The following BACH2 variants were observed in gnomAD, a reference collection of about 807,000 sequenced individuals.
BACH2 encodes the protein transcription regulator protein BACH2.
BACH2 carries 5 observed loss-of-function variants against 61.8 expected under a neutral mutation model. The ratio of observed to expected loss-of-function variants is 0.08; its 90% CI spans 0.04 to 0.17. The LOEUF (loss-of-function observed/expected upper bound fraction) is 0.17. BACH2 is among the 10% of genes least tolerant of loss of function. BACH2 has a pLI of 1.00. For synonymous variants in BACH2, 446 were observed against 440.1 expected (o/e 1.01, Z -0.17); for missense variants, 824 against 1,091.1 (o/e 0.76, Z 3.45).
chr6:90,034,100 G>A (rs1212001606), intron 5 of BACH2, among the ~76,000 whole-genome samples: 1 of 152,130 alleles, frequency 6.6e-6, no homozygotes, highest in Non-Finnish European at 1.5e-5. Context: ...GGAAATGGCT[G>A]TTATTCTCTT....
intron 6 of BACH2, among the ~76,000 whole-genome samples, chr6:89,957,798 C>T (rs749036542): frequency 7.2e-5 from 11 of 152,152 alleles, no homozygotes; most frequent in South Asian, 4.2e-4. Context: ...TTTTGACCTC[C>T]CAAAGTATTG....
intron 6 of BACH2, among the ~76,000 whole-genome samples, chr6:89,986,016 G>A (rs562528818): frequency 2.6e-4 from 39 of 152,158 alleles, no homozygotes; most frequent in Non-Finnish European, 4.7e-4. Context: ...TGTTATAGCC[G>A]GACTTGTAAG....
chr6:90,024,748 G>A (rs1472962277), intron 5 of BACH2, among the ~76,000 whole-genome samples: 1 of 152,172 alleles, frequency 6.6e-6, no homozygotes, highest in African/African-American at 2.4e-5. Flanking sequence ...AGATGAAGAA[G>A]AGGGGAAGAC....
intron 4 of BACH2, among the ~76,000 whole-genome samples, chr6:90,145,311 A>G (rs2127828137): frequency 6.6e-6 from 1 of 152,350 alleles, no homozygotes; most frequent in South Asian, 2.1e-4. Flanking sequence ...CCCTGTCAAA[A>G]TAGTATTAAG....
chr6:89,951,956 T>G lies in BACH2; in HGVS notation c.244-94A>C. 7.0e-7 allele frequency: 1 copy of G among 1,426,660 alleles called. No homozygotes were observed. Among genetic ancestry groups the G allele is most frequent in the Non-Finnish European group, 9.5e-7 (1 of 1,048,542 alleles). The allele number at this position is 1,426,660 out of a possible 1,614,324, so 88.4% of individuals were successfully genotyped here. A position where few individuals can be genotyped will look rare whatever the true frequency, so the allele number is the denominator to read the frequency against. ...AAGCAAGATAACCAGACAGTGCTAA[T>G]GTCCCAGAATAAAGACTGCAAAGGG... On this transcript the variant is annotated intron_variant, in intron 6 of 8. Transcript: ENST00000257749. This position sits in a 1 kb window ranked among gnomAD's most constrained non-coding sequence, Gnocchi z 6.4.
chr6:90,018,087 C>T (rs1296977712), intron 5 of BACH2, among the ~76,000 whole-genome samples: 1 of 152,150 alleles, frequency 6.6e-6, no homozygotes, highest in Non-Finnish European at 1.5e-5. Flanking sequence ...TATCTAATGA[C>T]CCCTGATATA....
intron 4 of BACH2, among the ~76,000 whole-genome samples, chr6:90,132,751 C>A (rs956011931): frequency 1.3e-5 from 2 of 152,148 alleles, no homozygotes; most frequent in African/African-American, 2.4e-5. Context: ...AAGGGCAGTC[C>A]ACAACTCAGC....
intron 5 of BACH2, among the ~76,000 whole-genome samples, chr6:90,077,081 G>A (rs745801464): frequency 1.3e-5 from 2 of 152,154 alleles, no homozygotes; most frequent in Non-Finnish European, 2.9e-5. Context: ...CGCCTGGCCA[G>A]TACCCTCAAA....
At chr6:90,019,187 G>A (rs1019817018) in intron 5 of BACH2, among the ~76,000 whole-genome samples, 9 of 152,218 alleles carry the variant, frequency 5.9e-5, no homozygotes, top group East Asian at 1.9e-4. Context: ...TCTAGGTCAC[G>A]GATGGTGTGT....
chr6:89,954,295 TTTC>T (rs1034204654), intron 6 of BACH2, among the ~76,000 whole-genome samples: 33 of 133,964 alleles, frequency 2.5e-4, no homozygotes, highest in African/African-American at 7.7e-4. Flanking sequence ...TCACACAGTT[TTTC>T]TTTTTTTTTT....
At chr6:90,221,701 A>C (rs557873752) in intron 3 of BACH2, among the ~76,000 whole-genome samples, 1 of 152,178 alleles carries the variant, frequency 6.6e-6, no homozygotes, top group South Asian at 2.1e-4. Flanking sequence ...GCAAGGGACA[A>C]TTAAGTCAGG....
At chr6:90,079,144 C>T (rs1026383606) in intron 5 of BACH2, among the ~76,000 whole-genome samples, 14 of 152,160 alleles carry the variant, frequency 9.2e-5, no homozygotes, top group African/African-American at 1.7e-4. Context: ...CAAACGGACA[C>T]GTTATCACTT....
At chr6:90,221,546 G>T (rs1215909779) in intron 3 of BACH2, among the ~76,000 whole-genome samples, 1 of 152,190 alleles carries the variant, frequency 6.6e-6, no homozygotes, top group Admixed American at 6.5e-5. Flanking sequence ...AGAGAAATAA[G>T]TTGCAGCCTT....
intron 4 of BACH2, among the ~76,000 whole-genome samples, chr6:90,161,384 C>CA (rs1360593416): frequency 1.3e-5 from 2 of 152,096 alleles, no homozygotes; most frequent in Non-Finnish European, 2.9e-5. Context: ...CAGCACTTTA[C>CA]AAACATTAAG....
intron 3 of BACH2, among the ~76,000 whole-genome samples, chr6:90,211,837 A>T (rs945704230): frequency 6.6e-6 from 1 of 152,174 alleles, no homozygotes; most frequent in Non-Finnish European, 1.5e-5. Flanking sequence ...CACTCTTCGC[A>T]GTGTTAAAGG....
intron 3 of BACH2, among the ~76,000 whole-genome samples, chr6:90,210,595 AG>A (rs1267383122): frequency 6.6e-6 from 1 of 152,238 alleles, no homozygotes; most frequent in Non-Finnish European, 1.5e-5. Flanking sequence ...ATAAAGCATT[AG>A]GGAAAAAGAT....
intron 5 of BACH2, among the ~76,000 whole-genome samples, chr6:90,047,457 C>A (rs977408243): frequency 6.6e-6 from 1 of 152,108 alleles, no homozygotes; most frequent in Admixed American, 6.5e-5. Flanking sequence ...GATGCCCTAC[C>A]CCACCTCGTT....
intron 4 of BACH2, among the ~76,000 whole-genome samples, chr6:90,100,111 TCC>T (rs1182341893): frequency 2.0e-5 from 3 of 152,234 alleles, no homozygotes; most frequent in African/African-American, 7.2e-5. Context: ...CAATATTTCA[TCC>T]CTTTTTATGG....
chr6:89,962,476 G>T (rs1316094842), intron 6 of BACH2, among the ~76,000 whole-genome samples: 2 of 152,104 alleles, frequency 1.3e-5, no homozygotes, highest in Non-Finnish European at 2.9e-5. Context: ...TCTTCGAAAG[G>T]TCTCCACTCA....
Sources: gnomAD v4.1 joint callset for allele counts (sites outside exome capture counted in the v4.1 genomes callset) on GRCh38, gnomAD v4.1.1 for gene constraint, Gnocchi (gnomAD v3.1) non-coding constraint, MANE v1.5 for transcripts, NCBI Gene and HGNC (gene_info 2026-07-23, HGNC 2026-07-21) for gene names.